AKAP6: variants seen among roughly 807,000 people sequenced by gnomAD.
The protein encoded by AKAP6 is A-kinase anchoring protein 6.
AKAP6 carries 58 observed loss-of-function variants against 188.5 expected under a neutral mutation model. The ratio of observed to expected loss-of-function variants is 0.31; its 90% CI spans 0.25 to 0.38. The LOEUF (loss-of-function observed/expected upper bound fraction) is 0.38, where lower values mean the gene tolerates loss of function less well. Ranked by LOEUF, AKAP6 falls within the 10% of genes least tolerant of loss-of-function variation. AKAP6 has a pLI of 1.00. For synonymous variants in AKAP6, 989 were observed against 998.6 expected (o/e 0.99, Z 0.18); for missense variants, 2,710 against 2,740.0 (o/e 0.99, Z 0.24).
chr14:32,618,372 A>G (rs867232142), intron 7 of AKAP6, among the ~76,000 whole-genome samples: 1 of 152,130 alleles, frequency 6.6e-6, no homozygotes. Context: ...CTGAGTCGCC[A>G]ATGTCTATTG....
intron 11 of AKAP6, among the ~76,000 whole-genome samples, chr14:32,770,649 T>C (rs970504006): frequency 5.3e-5 from 8 of 152,346 alleles, no homozygotes; most frequent in Admixed American, 3.3e-4. Flanking sequence ...CTTCTACCCA[T>C]GTAACCACCA....
Position 32,381,608 on chromosome 14 carries a change from G to A in AKAP6, c.-34-51852G>A, listed in dbSNP as rs74041614. 6.9e-3 allele frequency among the ~76,000 whole-genome samples: 1,047 copies of A among 152,324 alleles called. 10 individuals are homozygous for A. Among genetic ancestry groups the A allele is most frequent in the African/African-American group, 0.023 (952 of 41,576 alleles). On this transcript the variant is annotated intron_variant, in intron 1 of 13. Coordinates refer to ENST00000280979, the MANE Select transcript of AKAP6 (RefSeq NM_004274.5). ...AAGACTAAGATCTGGAGGTAGAGCAGTGGGGGAACTAGGAGACAGTGAAGT... is the reference window on the plus strand; with the variant it reads ...AAGACTAAGATCTGGAGGTAGAGCAATGGGGGAACTAGGAGACAGTGAAGT...
chr14:32,705,605 C>T (rs574779934), intron 9 of AKAP6, among the ~76,000 whole-genome samples: 29 of 152,148 alleles, frequency 1.9e-4, no homozygotes, highest in Admixed American at 1.9e-3. Flanking sequence ...GATTATTTTC[C>T]TTAATTCATA....
chr14:32,794,568 A>C (rs1276941024), intron 12 of AKAP6, among the ~76,000 whole-genome samples: 2 of 152,278 alleles, frequency 1.3e-5, no homozygotes, highest in East Asian at 3.9e-4. Context: ...TCAAACAAAC[A>C]AACAAACAAA....
chr14:32,679,185 A>T (rs953202290), intron 8 of AKAP6, among the ~76,000 whole-genome samples: 18 of 152,284 alleles, frequency 1.2e-4, no homozygotes, highest in African/African-American at 4.1e-4. Flanking sequence ...AAAGCTAAAT[A>T]TATGTGTGTA....
At chr14:32,786,864 G>C (rs1415335147) in intron 12 of AKAP6, among the ~76,000 whole-genome samples, 1 of 151,944 alleles carries the variant, frequency 6.6e-6, no homozygotes, top group African/African-American at 2.4e-5. Flanking sequence ...GTGAATTTAG[G>C]GTTTTAAGTT....
At chr14:32,706,713 A>G (rs1890825808) in intron 9 of AKAP6, among the ~76,000 whole-genome samples, 1 of 152,040 alleles carries the variant, frequency 6.6e-6, no homozygotes, top group South Asian at 2.1e-4. Context: ...CTTCTGTGAC[A>G]CTCTATCCCT....
At chr14:32,658,536 G>C (rs1240105057) in intron 7 of AKAP6, among the ~76,000 whole-genome samples, 1 of 151,964 alleles carries the variant, frequency 6.6e-6, no homozygotes, top group Non-Finnish European at 1.5e-5. Context: ...ATTAAAGTAT[G>C]CATGTTAATT....
chr14:32,730,537 G>C (rs1030677542), intron 9 of AKAP6, among the ~76,000 whole-genome samples: 8 of 152,086 alleles, frequency 5.3e-5, no homozygotes, highest in Non-Finnish European at 1.0e-4. Flanking sequence ...TGCTGTGTGA[G>C]AGCTGTTTAA....
chr14:32,490,102 T>C (rs145555623), intron 2 of AKAP6, among the ~76,000 whole-genome samples: 1,733 of 151,442 alleles, frequency 0.011, 15 homozygotes, highest in East Asian at 0.027. Flanking sequence ...ACAAAGAACC[T>C]TCTTAAGGGT....
rs757437875 is a variant in AKAP6, at chr14:32,821,513, G to A, written c.3700G>A (p.Glu1234Lys). Residue 1234 changes from glutamate to lysine, a missense_variant, in exon 13 of 14, where the codon GAA becomes AAA. Glu to Lys is a moderately conservative substitution (Grantham distance 56). Coordinates refer to ENST00000280979, the MANE Select transcript of AKAP6 (RefSeq NM_004274.5). ...ISNKLISLNE[E>K]SNDLDQELQP... ...TAACAAGTTAATTAGTTTGAATGAG[G>A]AATCAAATGACCTTGATCAAGAACT... The A allele has an allele frequency of 1.5e-5, 24 of 1,613,616 alleles. No homozygotes were observed. Among genetic ancestry groups the A allele is most frequent in the Middle Eastern group, 1.6e-4 (1 of 6,080 alleles).
rs146207749 is a variant in AKAP6, at chr14:32,782,019, G to A, written c.3588+8126G>A. On this transcript the variant is annotated intron_variant, in intron 12 of 13. Transcript: ENST00000280979. ...TCTCTACTAAAAATACAAAAACTTA[G>A]CTGGGCATGGTGGTGCGCGCCTGTA... Among the ~76,000 whole-genome samples, 827 of 152,088 alleles carry A rather than the reference G, an allele frequency of 5.4e-3. 12 individuals are homozygous for A. The highest frequency in any genetic ancestry group is 0.019 in the African/African-American group (800 of 41,458).
chr14:32,748,750 G>C (rs982663219), intron 11 of AKAP6, among the ~76,000 whole-genome samples: 2 of 152,134 alleles, frequency 1.3e-5, no homozygotes, highest in African/African-American at 4.8e-5. Context: ...CTCTTTTGGG[G>C]TGGTAAAAAC....
chr14:32,619,837 A>G (rs748094684), intron 7 of AKAP6, among the ~76,000 whole-genome samples: 1 of 152,090 alleles, frequency 6.6e-6, no homozygotes, highest in African/African-American at 2.4e-5. Flanking sequence ...TGTGTCATCT[A>G]TGATTTCTTT....
chr14:32,355,217 A>G (rs1268194412), intron 1 of AKAP6, among the ~76,000 whole-genome samples: 6 of 151,972 alleles, frequency 3.9e-5, no homozygotes, highest in Non-Finnish European at 7.4e-5. Flanking sequence ...AATTAAAGGG[A>G]AACATTTCAA....
Position 32,628,354 on chromosome 14 carries a change from G to A in AKAP6, c.2730+27562G>A, listed in dbSNP as rs576450264. ...GAGGTGCAACCATCCAAATTCTACA[G>A]TCGGGCACCAAGAAGTAATGAACAT... On this transcript the variant is annotated intron_variant, in intron 7 of 13. Transcript: ENST00000280979. 1.9e-3 allele frequency among the ~76,000 whole-genome samples: 289 copies of A among 152,190 alleles called. 1 individual carries two copies. The highest frequency in any genetic ancestry group is 6.8e-3 in the African/African-American group (283 of 41,552).
chr14:32,807,487 T>C (rs2034120456), intron 12 of AKAP6, among the ~76,000 whole-genome samples: 1 of 152,196 alleles, frequency 6.6e-6, no homozygotes, highest in Admixed American at 6.5e-5. Context: ...AGGATTTGTT[T>C]TAGGAAGCTT....
intron 1 of AKAP6, among the ~76,000 whole-genome samples, chr14:32,410,130 G>A (rs569730987): frequency 3.6e-4 from 47 of 131,222 alleles, no homozygotes; most frequent in South Asian, 1.2e-3. Context: ...TCGACATTCT[G>A]TAGAGAATCC....
At chr14:32,431,104 C>CAAA (rs201302087) in intron 1 of AKAP6, among the ~76,000 whole-genome samples, 12 of 142,880 alleles carry the variant, frequency 8.4e-5, no homozygotes, top group African/African-American at 3.2e-4. Context: ...GACTCCATCT[C>CAAA]AAAAAAAAAA....
Sources: allele counts gnomAD v4.1 joint callset (sites outside exome capture counted in the v4.1 genomes callset), GRCh38; gene constraint gnomAD v4.1.1; transcripts MANE v1.5; gene names NCBI Gene and HGNC (gene_info 2026-07-23, HGNC 2026-07-21).